ERP44: variants seen among roughly 807,000 people sequenced by gnomAD.
The protein encoded by ERP44 is endoplasmic reticulum protein 44, also known as endoplasmic reticulum resident protein 44.
In ERP44, 25 loss-of-function variants were observed where a neutral mutation model predicts 53.4. That is an observed-to-expected ratio of 0.47 (90% CI 0.34 to 0.65). The LOEUF (loss-of-function observed/expected upper bound fraction) is 0.65. Ranked by LOEUF, ERP44 falls within the 30% of genes least tolerant of loss-of-function variation. The pLI, the probability that ERP44 is intolerant of heterozygous loss-of-function variation, is 0.01. For synonymous variants in ERP44, 145 were observed against 161.2 expected (o/e 0.90, Z 0.76); for missense variants, 338 against 493.2 (o/e 0.69, Z 2.98).
chr9:99,982,085 C>G lies in ERP44; in HGVS notation c.*527G>C, dbSNP rs534499221. 5 of 152,698 alleles carry G rather than the reference C, an allele frequency of 3.3e-5. No individual in the cohort carries two copies. The highest frequency in any genetic ancestry group is 1.2e-4 in the African/African-American group (5 of 41,544). 9.5% of individuals were successfully genotyped at this position (152,698 alleles called of 1,614,324 possible). A position where few individuals can be genotyped will look rare whatever the true frequency, so the allele number is the denominator to read the frequency against. On this transcript the variant is annotated 3_prime_UTR_variant, in exon 12 of 12. Transcript: ENST00000262455. ...TACACATTAAGAATCCAAAAAAATA[C>G]CACTATGGAATTTTCATAAGCAATA...
intron 6 of ERP44, among the ~76,000 whole-genome samples, chr9:100,018,743 G>A (rs1306805483): frequency 4.6e-5 from 7 of 152,246 alleles, no homozygotes; most frequent in Non-Finnish European, 1.0e-4. Context: ...CACAGAAGTT[G>A]CTTAATAAAC....
chr9:100,056,599 A>C (rs1193737356), intron 3 of ERP44, among the ~76,000 whole-genome samples: 1 of 152,138 alleles, frequency 6.6e-6, no homozygotes, highest in Admixed American at 6.5e-5. Flanking sequence ...CAGAGTCAAG[A>C]GTAGGGGTAG....
chr9:100,093,740 C>T (rs896750054), intron 1 of ERP44, among the ~76,000 whole-genome samples: 5 of 152,118 alleles, frequency 3.3e-5, no homozygotes, highest in Non-Finnish European at 7.3e-5. Flanking sequence ...GACAGGAAGA[C>T]AGTTCACACA....
intron 4 of ERP44, among the ~76,000 whole-genome samples, chr9:100,040,880 A>C (rs1825893034): frequency 6.6e-6 from 1 of 152,194 alleles, no homozygotes; most frequent in Non-Finnish European, 1.5e-5. Flanking sequence ...AATCTAAAAA[A>C]GAAATAAAAA....
At chr9:100,067,587 G>A (rs1385103175) in intron 1 of ERP44, among the ~76,000 whole-genome samples, 1 of 152,226 alleles carries the variant, frequency 6.6e-6, no homozygotes, top group East Asian at 1.9e-4. Flanking sequence ...AAAGTGCTGA[G>A]ATTGCAGCCT....
chr9:100,019,749 A>C (rs991604221), intron 6 of ERP44, among the ~76,000 whole-genome samples: 1 of 152,170 alleles, frequency 6.6e-6, no homozygotes, highest in African/African-American at 2.4e-5. Context: ...CACAGCAAAA[A>C]AAGAAAAAGG....
At chr9:100,050,316 ATG>A (rs1002353346) in intron 4 of ERP44, among the ~76,000 whole-genome samples, 1 of 46,160 alleles carries the variant, frequency 2.2e-5, no homozygotes, top group African/African-American at 5.5e-5. Context: ...TGTGTAACAT[ATG>A]TCAATTATAC....
At chr9:100,030,121 C>T (rs983318312) in intron 4 of ERP44, among the ~76,000 whole-genome samples, 1 of 152,124 alleles carries the variant, frequency 6.6e-6, no homozygotes, top group African/African-American at 2.4e-5. Context: ...GGTACATATA[C>T]ACAATAAAAT....
intron 4 of ERP44, among the ~76,000 whole-genome samples, chr9:100,051,039 G>C (rs1019670645): frequency 1.3e-5 from 2 of 152,174 alleles, no homozygotes; most frequent in African/African-American, 2.4e-5. Flanking sequence ...GTCAGCGAAA[G>C]GTCGGAGAAA....
Position 99,980,735 on chromosome 9 carries a change from G to C in ERP44, c.*1877C>G, listed in dbSNP as rs578255868. 1 of 152,222 alleles carries C rather than the reference G, an allele frequency of 6.6e-6. No individual in the cohort carries two copies. The highest frequency in any genetic ancestry group is 3.2e-3 in the Middle Eastern group (1 of 316). 9.4% of individuals were successfully genotyped at this position (152,222 alleles called of 1,614,324 possible). A position where few individuals can be genotyped will look rare whatever the true frequency, so the allele number is the denominator to read the frequency against. On this transcript the variant is annotated 3_prime_UTR_variant, in exon 12 of 12. Transcript: ENST00000262455. ...CTCAGTGACTTCACAGTCCAGAGAA[G>C]ACAATGATAGTGGCAGGGCTAGAGC...
chr9:99,997,360 A>G (rs2118617697), intron 10 of ERP44, among the ~76,000 whole-genome samples: 1 of 152,136 alleles, frequency 6.6e-6, no homozygotes, highest in Middle Eastern at 3.4e-3. Context: ...ATTGCATTGT[A>G]GTTTTTATTT....
At chr9:100,018,620 TA>T (rs1391913534) in intron 6 of ERP44, among the ~76,000 whole-genome samples, 1 of 150,630 alleles carries the variant, frequency 6.6e-6, no homozygotes, top group Admixed American at 6.6e-5. Flanking sequence ...ATGGACTAAT[TA>T]AAAAAAAACA....
rs535903356 is a variant in ERP44 at position 99,991,513 on chromosome 9, CA to C, written c.1017-6445del. ...CAGGGTCTCTGGGAAACATTTAAAG[CA>C]GTCCGTAGAGGGAAATTTATAGCAC... On this transcript the variant is annotated intron_variant, in intron 10 of 11. Transcript: ENST00000262455. 4.1e-3 allele frequency among the ~76,000 whole-genome samples: 632 copies of C among 152,306 alleles called. 1 individual carries two copies. The highest frequency in any genetic ancestry group is 6.8e-3 in the Non-Finnish European group (465 of 68,026).
At chr9:100,020,492 T>G (rs1420801325) in intron 6 of ERP44, 124 bp downstream of exon 6, 3 of 611,276 alleles carry the variant, frequency 4.9e-6, no homozygotes, top group African/African-American at 1.9e-5. Flanking sequence ...AAAGACTGTT[T>G]AGTGATTTTA....
chr9:100,048,857 G>C (rs1245000442), intron 4 of ERP44, among the ~76,000 whole-genome samples: 2 of 152,192 alleles, frequency 1.3e-5, no homozygotes, highest in East Asian at 3.8e-4. Context: ...GTTGCCAGGG[G>C]CTGGGGAGAA....
Position 99,999,229 on chromosome 9 carries a change from A to G in ERP44, c.1016+7277T>C, listed in dbSNP as rs373175942. 2.3e-4 allele frequency among the ~76,000 whole-genome samples: 29 copies of G among 124,590 alleles called. 1 individual carries two copies. Among genetic ancestry groups the G allele is most frequent in the East Asian group, 1.3e-3 (5 of 3,866 alleles). 81.7% of individuals were successfully genotyped at this position (124,590 alleles called of 152,430 possible). A position where few individuals can be genotyped will look rare whatever the true frequency, so the allele number is the denominator to read the frequency against. On this transcript the variant is annotated intron_variant, in intron 10 of 11. Transcript: ENST00000262455. ...TCCTCTCGATGTTGATCATTTTTTCATATGTTTGTTGGCCATTTGTGTATC... is the reference window on the plus strand; with the variant it reads ...TCCTCTCGATGTTGATCATTTTTTCGTATGTTTGTTGGCCATTTGTGTATC...
intron 8 of ERP44, among the ~76,000 whole-genome samples, chr9:100,009,508 T>TTA (rs746446136): frequency 5.9e-5 from 9 of 152,168 alleles, no homozygotes; most frequent in Non-Finnish European, 1.3e-4. Context: ...CATTCATCTT[T>TTA]TAGTAAGCTG....
chr9:100,027,936 A>C (rs1466483658), intron 4 of ERP44, among the ~76,000 whole-genome samples: 2 of 152,136 alleles, frequency 1.3e-5, no homozygotes, highest in African/African-American at 4.8e-5. Context: ...AAACATCCCC[A>C]AAAAACAAAA....
At chr9:100,025,218 G>A (rs1830639957) in intron 4 of ERP44, among the ~76,000 whole-genome samples, 1 of 152,008 alleles carries the variant, frequency 6.6e-6, no homozygotes, top group African/African-American at 2.4e-5. Context: ...GCCAATAATG[G>A]CAATTTTACA....
Sources: gnomAD v4.1 joint callset for allele counts (sites outside exome capture counted in the v4.1 genomes callset) on GRCh38, gnomAD v4.1.1 for gene constraint, MANE v1.5 for transcripts, NCBI Gene and HGNC (gene_info 2026-07-23, HGNC 2026-07-21) for gene names.